The following DMD variants were observed in gnomAD, a reference collection of about 807,000 sequenced individuals.
DMD encodes the protein mutant dystrophin.
A neutral mutation model predicts 330.1 loss-of-function variants in DMD; 63 were observed. The observed-to-expected ratio is 0.19, with a 90% CI of 0.16 to 0.24. The LOEUF (loss-of-function observed/expected upper bound fraction) is 0.24. Ranked by LOEUF, DMD falls within the 10% of genes least tolerant of loss-of-function variation. The pLI, the probability that DMD is intolerant of heterozygous loss-of-function variation, is 1.00. For synonymous variants in DMD, 1,223 were observed against 959.8 expected, an observed-to-expected ratio of 1.27 and a Z score of -5.07; for missense variants, 3,344 against 2,684.1, an observed-to-expected ratio of 1.25 and a Z score of -5.43.
At chrX:32,887,770 A>AAAAAC (rs1557117375) in intron 2 of DMD, among the ~76,000 whole-genome samples, 1,565 of 70,205 alleles carry the variant, frequency 0.022, 153 homozygotes, top group African/African-American at 0.029. Context: ...AAAAAAAAAA[A>AAAAAC]AAAAAACATC....
At chrX:32,656,555 G>T (rs1435605762) in intron 9 of DMD, among the ~76,000 whole-genome samples, 1 of 112,087 alleles carries the variant, frequency 8.9e-6, no homozygotes, top group African/African-American at 3.2e-5. Flanking sequence ...AAATGTATCT[G>T]TAAAAGCTTA....
chrX:31,913,396 T>C (rs967147596), intron 47 of DMD, among the ~76,000 whole-genome samples: 2 of 111,845 alleles, frequency 1.8e-5, no homozygotes, highest in Non-Finnish European at 3.8e-5. Flanking sequence ...CTACATTGGC[T>C]ATACCAGACT....
intron 2 of DMD, among the ~76,000 whole-genome samples, chrX:32,895,174 A>C (rs1000231982): frequency 3.3e-4 from 37 of 112,171 alleles, no homozygotes; most frequent in African/African-American, 1.1e-3. Flanking sequence ...CCATCTCCAA[A>C]TATCGTCCCA....
intron 51 of DMD, among the ~76,000 whole-genome samples, chrX:31,767,477 G>C (rs757106149): frequency 5.9e-4 from 66 of 111,851 alleles, no homozygotes; most frequent in Non-Finnish European, 8.1e-4. Context: ...CAAGAGGTCT[G>C]GGGGTCTGGG....
chrX:31,172,234 A>G (rs1365068646), intron 73 of DMD, 114 bp downstream of exon 73: 1 of 591,406 alleles, frequency 1.7e-6, no homozygotes, highest in Non-Finnish European at 2.8e-6. Flanking sequence ...ATGGCTCCTT[A>G]AAAGATCAAA....
chrX:32,560,788 C>A (rs1346645389), intron 16 of DMD, among the ~76,000 whole-genome samples: 1 of 112,201 alleles, frequency 8.9e-6, no homozygotes, highest in Non-Finnish European at 1.9e-5. Flanking sequence ...TTTATGGCTG[C>A]ATACTATTCC....
intron 1 of DMD, among the ~76,000 whole-genome samples, chrX:33,284,738 T>C: frequency 2.1e-5 from 1 of 47,966 alleles, no homozygotes; most frequent in Admixed American, 1.9e-4. Context: ...ATCATCTTTT[T>C]TTTTTTGCCC....
intron 2 of DMD, among the ~76,000 whole-genome samples, chrX:32,855,709 C>G (rs941453379): frequency 9.8e-5 from 11 of 112,002 alleles, no homozygotes; most frequent in Non-Finnish European, 1.9e-4. Flanking sequence ...AACTATGAAA[C>G]TACTACAAGA....
chrX:31,372,630 T>C (rs184769484), intron 60 of DMD, among the ~76,000 whole-genome samples: 1 of 111,757 alleles, frequency 8.9e-6, no homozygotes, highest in Non-Finnish European at 1.9e-5. Context: ...CAACCCTTCA[T>C]GCTAAAAACT....
intron 50 of DMD, among the ~76,000 whole-genome samples, chrX:31,791,850 ATAT>A (rs1290057031): frequency 1.8e-5 from 2 of 111,795 alleles, no homozygotes. Flanking sequence ...ATATTTATTT[ATAT>A]TATTATTTGC....
intron 1 of DMD, among the ~76,000 whole-genome samples, chrX:33,280,215 G>A (rs917979246): frequency 1.8e-5 from 2 of 110,839 alleles, no homozygotes; most frequent in Non-Finnish European, 3.8e-5. Context: ...ACTCCTGAGC[G>A]TAAGCGACCA....
rs745858291 is a variant in DMD at position 32,900,927 on chromosome X, G to A, written c.94-51107C>T. Among the ~76,000 whole-genome samples the A allele has an allele frequency of 9.0e-5, 10 of 110,555 alleles. No homozygotes were observed. In the South Asian group the frequency reaches 1.1e-3, roughly 13 times the overall value. ...TATTATTATTTATTAAGAATTACTC[G>A]AATAAGCCAAAATGATGAAAATGCT... On this transcript the variant is annotated intron_variant, in intron 2 of 78. Coordinates refer to ENST00000357033, the MANE Select transcript of DMD (RefSeq NM_004006.3).
chrX:32,254,346 C>G (rs1244323380), intron 43 of DMD, among the ~76,000 whole-genome samples: 3 of 112,073 alleles, frequency 2.7e-5, no homozygotes, highest in African/African-American at 9.7e-5. Flanking sequence ...CTGGCCTATT[C>G]TTTTTTGTTT....
rs750152057 is a variant in DMD at position 32,318,404 on chromosome X, T to G, written c.5923-8128A>C. Among the ~76,000 whole-genome samples the G allele has an allele frequency of 3.5e-3, 393 of 111,735 alleles. 1 individual carries two copies. Among genetic ancestry groups the G allele is most frequent in the African/African-American group, 0.012 (371 of 30,861 alleles). Reference sequence around the variant, plus strand: ...GTATGGTTTTAATCTGCGTTGTCACTGTTTTGGATACATATAATGGCATGA... The same window carrying G: ...GTATGGTTTTAATCTGCGTTGTCACGGTTTTGGATACATATAATGGCATGA... On this transcript the variant is annotated intron_variant, in intron 41 of 78. Transcript: ENST00000357033.
chrX:31,823,649 C>T (rs779539668), intron 49 of DMD, among the ~76,000 whole-genome samples: 2 of 110,329 alleles, frequency 1.8e-5, no homozygotes, highest in East Asian at 2.9e-4. Flanking sequence ...GGCAAGATCT[C>T]GGCTCACTGC....
chrX:32,700,058 G>T (rs1019933065), intron 7 of DMD, among the ~76,000 whole-genome samples: 1 of 111,273 alleles, frequency 9.0e-6, no homozygotes, highest in Admixed American at 9.6e-5. Flanking sequence ...CACATATAAA[G>T]TGGCAGCTCC....
intron 34 of DMD, among the ~76,000 whole-genome samples, chrX:32,366,187 T>G (rs1468687963): frequency 1.8e-5 from 2 of 111,474 alleles, no homozygotes; most frequent in Admixed American, 1.9e-4. Flanking sequence ...AGTACAAAGG[T>G]TTACTACCTG....
intron 42 of DMD, among the ~76,000 whole-genome samples, chrX:32,299,638 G>T (rs1259571149): frequency 9.1e-6 from 1 of 110,302 alleles, no homozygotes; most frequent in East Asian, 2.9e-4. Context: ...TCCAGAGTGG[G>T]ACTTCAACTA....
intron 2 of DMD, among the ~76,000 whole-genome samples, chrX:32,900,740 A>C (rs968858440): frequency 3.6e-5 from 4 of 111,591 alleles, no homozygotes; most frequent in African/African-American, 1.3e-4. Context: ...CATCTATAGC[A>C]AATGAAAAAA....
Sources: gnomAD v4.1 joint callset for allele counts (sites outside exome capture counted in the v4.1 genomes callset) on GRCh38, gnomAD v4.1.1 for gene constraint, MANE v1.5 for transcripts, NCBI Gene and HGNC (gene_info 2026-07-23, HGNC 2026-07-21) for gene names.